The following SEMA6D variants were observed in gnomAD, a reference collection of about 807,000 sequenced individuals.
SEMA6D encodes semaphorin 6D, also known as semaphorin-6D.
In SEMA6D, 35 loss-of-function variants were observed where a neutral mutation model predicts 106.6. The ratio of observed to expected loss-of-function variants is 0.33; its 90% CI spans 0.25 to 0.44. The LOEUF is 0.44. Among genes scored for constraint, SEMA6D ranks in the 20% least tolerant of loss-of-function variants. The pLI is 1.00. For missense variants in SEMA6D, 1,185 were observed against 1,345.9 expected (o/e 0.88, Z 1.87); for synonymous variants, 499 against 487.7 (o/e 1.02, Z -0.31).
At chr15:47,479,949 G>A (rs1449977341) in intron 3 of SEMA6D, among the ~76,000 whole-genome samples, 7 of 145,598 alleles carry the variant, frequency 4.8e-5, no homozygotes, top group Admixed American at 3.5e-4. Context: ...GTTCACCGCA[G>A]CCTTGACCTG....
intron 4 of SEMA6D, among the ~76,000 whole-genome samples, chr15:47,682,732 G>C (rs566372965): frequency 7.7e-4 from 117 of 152,250 alleles, no homozygotes; most frequent in African/African-American, 2.7e-3. Flanking sequence ...TCTAAGAATA[G>C]CACAACTCTG....
At chr15:47,610,541 C>A (rs1566933219) in intron 4 of SEMA6D, among the ~76,000 whole-genome samples, 1 of 152,190 alleles carries the variant, frequency 6.6e-6, no homozygotes, top group Non-Finnish European at 1.5e-5. Context: ...GAGTAACAGG[C>A]TGAAGCTCAG....
intron 3 of SEMA6D, among the ~76,000 whole-genome samples, chr15:47,527,945 A>G (rs1477001710): frequency 6.6e-6 from 1 of 152,204 alleles, no homozygotes; most frequent in Non-Finnish European, 1.5e-5. Context: ...TTCCCATATT[A>G]CTTCAACATA....
At chr15:47,638,115 A>AC (rs2077424413) in intron 4 of SEMA6D, among the ~76,000 whole-genome samples, 1 of 53,302 alleles carries the variant, frequency 1.9e-5, no homozygotes, top group African/African-American at 1.1e-4. Context: ...TATCTTAGAC[A>AC]AAAAAAAACC....
chr15:47,736,806 A>C (rs905943063), intron 1 of SEMA6D, among the ~76,000 whole-genome samples: 1 of 152,174 alleles, frequency 6.6e-6, no homozygotes, highest in Admixed American at 6.5e-5. Context: ...ACACAATTGC[A>C]ATCAGTTTTT....
chr15:47,370,088 A>G (rs764679281), intron 1 of SEMA6D, among the ~76,000 whole-genome samples: 21 of 152,238 alleles, frequency 1.4e-4, no homozygotes, highest in Non-Finnish European at 2.8e-4. Flanking sequence ...TTCTTCTGGC[A>G]AAGGGCAACC....
At chr15:47,463,858 G>T (rs952449960) in intron 2 of SEMA6D, among the ~76,000 whole-genome samples, 7 of 152,072 alleles carry the variant, frequency 4.6e-5, no homozygotes, top group African/African-American at 1.7e-4. Context: ...CCAGCTTCTG[G>T]TGTCTCCAGT....
At chr15:47,753,210 G>A (rs192947066) in intron 1 of SEMA6D, among the ~76,000 whole-genome samples, 21 of 152,236 alleles carry the variant, frequency 1.4e-4, no homozygotes, top group African/African-American at 5.1e-4. Flanking sequence ...ATGGATTTGG[G>A]GAGTGGTCTA....
intron 4 of SEMA6D, among the ~76,000 whole-genome samples, chr15:47,674,548 T>C (rs189202749): frequency 6.6e-6 from 1 of 152,372 alleles, no homozygotes; most frequent in African/African-American, 2.4e-5. Flanking sequence ...ACATTCTGAC[T>C]GCCTCTGCTT....
chr15:47,691,665 C>A (rs1013364370), intron 4 of SEMA6D, among the ~76,000 whole-genome samples: 1 of 152,028 alleles, frequency 6.6e-6, no homozygotes, highest in Non-Finnish European at 1.5e-5. Flanking sequence ...TTAGCCGTAT[C>A]TTTTGGGAGA....
At chr15:47,685,352 G>A (rs1481789680) in intron 4 of SEMA6D, among the ~76,000 whole-genome samples, 2 of 152,164 alleles carry the variant, frequency 1.3e-5, no homozygotes, top group African/African-American at 4.8e-5. Context: ...AGAGAGAAGG[G>A]GGATGAGGCA....
At chr15:47,425,898 T>C (rs2041321363) in intron 2 of SEMA6D, among the ~76,000 whole-genome samples, 1 of 152,102 alleles carries the variant, frequency 6.6e-6, no homozygotes, top group African/African-American at 2.4e-5. Flanking sequence ...CCCTTCTAAT[T>C]TTCCAGCCTA....
At chr15:47,756,896 A>ATT (rs71719777) in intron 1 of SEMA6D, among the ~76,000 whole-genome samples, 29,331 of 133,326 alleles carry the variant, frequency 0.22, 3,545 homozygotes, top group South Asian at 0.41. Context: ...TCTGAATGTA[A>ATT]TTTTTTTTTT....
chr15:47,335,660 C>T (rs2037523862), intron 1 of SEMA6D, among the ~76,000 whole-genome samples: 1 of 152,078 alleles, frequency 6.6e-6, no homozygotes, highest in African/African-American at 2.4e-5. Flanking sequence ...AACAACAGTT[C>T]AAGAAGCCTT....
chr15:47,264,681 T>C (rs1406335676), intron 1 of SEMA6D, among the ~76,000 whole-genome samples: 2 of 152,158 alleles, frequency 1.3e-5, no homozygotes, highest in Admixed American at 1.3e-4. Flanking sequence ...GGTTTCTTTC[T>C]TTTTTTAGAG....
At chr15:47,460,633 T>G (rs2042478709) in intron 2 of SEMA6D, among the ~76,000 whole-genome samples, 1 of 152,102 alleles carries the variant, frequency 6.6e-6, no homozygotes, top group Admixed American at 6.6e-5. Flanking sequence ...TGTTTTTCTT[T>G]GTCTTCCAAC....
intron 1 of SEMA6D, among the ~76,000 whole-genome samples, chr15:47,298,725 A>T (rs528789994): frequency 6.6e-6 from 1 of 152,184 alleles, no homozygotes; most frequent in Admixed American, 6.5e-5. Context: ...CTCCTATTGC[A>T]AGGGCTTCCT....
At chr15:47,732,912 A>G (rs1171926771) in intron 1 of SEMA6D, among the ~76,000 whole-genome samples, 1 of 152,212 alleles carries the variant, frequency 6.6e-6, no homozygotes, top group Non-Finnish European at 1.5e-5. Flanking sequence ...TTAAATGAGA[A>G]ATAAGATACC....
chr15:47,436,758 T>TA (rs67662241), intron 2 of SEMA6D, among the ~76,000 whole-genome samples: 20,922 of 127,106 alleles, frequency 0.16, 2,069 homozygotes, highest in Non-Finnish European at 0.23. Context: ...CTATCTCTAT[T>TA]AAAAAAAAAA....
Sources: gnomAD v4.1 joint callset for allele counts (sites outside exome capture counted in the v4.1 genomes callset) on GRCh38, gnomAD v4.1.1 for gene constraint, MANE v1.5 for transcripts, NCBI Gene and HGNC (gene_info 2026-07-23, HGNC 2026-07-21) for gene names.